Variants in CCDC102B observed in about 807,000 individuals in gnomAD.
The protein encoded by CCDC102B is coiled-coil domain containing 102B.
In CCDC102B, 75 loss-of-function variants were observed where a neutral mutation model predicts 57.4. The observed-to-expected ratio is 1.31, with a 90% CI of 1.08 to 1.58. The LOEUF (loss-of-function observed/expected upper bound fraction) is 1.58, where lower values mean the gene tolerates loss of function less well. Among genes scored for constraint, CCDC102B ranks in the 40% most tolerant of loss-of-function variants. CCDC102B has a pLI of 0.00. For synonymous variants in CCDC102B, 206 were observed against 201.9 expected (o/e 1.02, Z -0.17); for missense variants, 636 against 582.6 (o/e 1.09, Z -0.94).
chr18:68,829,471 G>A (rs1211327456), intron 1 of CCDC102B, among the ~76,000 whole-genome samples: 1 of 151,952 alleles, frequency 6.6e-6, no homozygotes, highest in East Asian at 1.9e-4. Flanking sequence ...CTGACTTTAA[G>A]AATAAATTTT....
chr18:68,866,969 T>A (rs1248900828), intron 4 of CCDC102B: 3 of 409,736 alleles, frequency 7.3e-6, no homozygotes, highest in Non-Finnish European at 1.4e-5. Flanking sequence ...GCTACATCAA[T>A]CTAGAGTGGT....
chr18:68,855,686 G>A (rs888536940), intron 4 of CCDC102B, among the ~76,000 whole-genome samples: 2 of 152,110 alleles, frequency 1.3e-5, no homozygotes, highest in Non-Finnish European at 2.9e-5. Context: ...AGATTTGCCT[G>A]TTCTGGGCAT....
chr18:68,884,342 A>G (rs1207666452), intron 5 of CCDC102B, among the ~76,000 whole-genome samples: 1 of 152,182 alleles, frequency 6.6e-6, no homozygotes, highest in East Asian at 1.9e-4. Flanking sequence ...TCTAATAAAG[A>G]ATGGGATTAT....
chr18:68,762,812 G>C (rs904654904), intron 2 of CCDC102B, among the ~76,000 whole-genome samples: 1 of 152,072 alleles, frequency 6.6e-6, no homozygotes, highest in Non-Finnish European at 1.5e-5. Flanking sequence ...AATTGAAAAG[G>C]CGTTAAATTT....
intron 2 of CCDC102B, among the ~76,000 whole-genome samples, chr18:68,791,237 A>G (rs1169126647): frequency 2.6e-5 from 4 of 152,188 alleles, no homozygotes; most frequent in Non-Finnish European, 5.9e-5. Context: ...TTCTTAATCA[A>G]TGTTGTAAAA....
intron 5 of CCDC102B, among the ~76,000 whole-genome samples, chr18:68,895,163 A>G (rs1231982777): frequency 2.0e-5 from 3 of 151,812 alleles, no homozygotes; most frequent in African/African-American, 7.2e-5. Context: ...ATTGTGATAT[A>G]ATATTTTCAC....
intron 2 of CCDC102B, chr18:68,721,212 G>A (rs2032308254): frequency 6.6e-6 from 1 of 152,170 alleles, no homozygotes; most frequent in African/African-American, 2.4e-5. Flanking sequence ...TATAATACAT[G>A]TGCAAACAAG....
At chr18:68,759,315 T>TCAA (rs2034172822) in intron 2 of CCDC102B, among the ~76,000 whole-genome samples, 1 of 152,118 alleles carries the variant, frequency 6.6e-6, no homozygotes, top group Non-Finnish European at 1.5e-5. Context: ...AAGAAAATTT[T>TCAA]ATAGGAACTT....
rs1401866393 is a variant in CCDC102B at position 69,000,654 on chromosome 18, A to T, written c.1264-10280A>T. On this transcript the variant is annotated intron_variant, in intron 6 of 7. Coordinates refer to ENST00000360242, the MANE Select transcript of CCDC102B (RefSeq NM_024781.3). ...TGTTTGTGATTGTTATAACAGAGTAAGTCCTGTTTTACAGATAAGATGTTA... is the reference window on the plus strand; with the variant it reads ...TGTTTGTGATTGTTATAACAGAGTATGTCCTGTTTTACAGATAAGATGTTA... 2.6e-5 allele frequency among the ~76,000 whole-genome samples: 4 copies of T among 152,124 alleles called. No homozygotes were observed. In the East Asian group the frequency reaches 7.7e-4, roughly 29 times the overall value.
chr18:68,882,553 C>T (rs937005753), intron 5 of CCDC102B, among the ~76,000 whole-genome samples: 3 of 152,170 alleles, frequency 2.0e-5, no homozygotes, highest in Admixed American at 1.3e-4. Flanking sequence ...TTATTGTAAA[C>T]ATGTAACCAA....
intron 6 of CCDC102B, among the ~76,000 whole-genome samples, chr18:68,939,132 C>A (rs1378950444): frequency 6.6e-6 from 1 of 151,676 alleles, no homozygotes; most frequent in Non-Finnish European, 1.5e-5. Flanking sequence ...CTTTTTCCCC[C>A]AAATGACTTG....
At chr18:68,736,130 T>A (rs186427477) in intron 2 of CCDC102B, among the ~76,000 whole-genome samples, 1 of 152,344 alleles carries the variant, frequency 6.6e-6, no homozygotes, top group African/African-American at 2.4e-5. Context: ...AGAGGAATTT[T>A]TAGGATTTTT....
chr18:68,998,878 C>T (rs1221691440), intron 6 of CCDC102B, among the ~76,000 whole-genome samples: 1 of 151,644 alleles, frequency 6.6e-6, no homozygotes, highest in Non-Finnish European at 1.5e-5. Context: ...TCTCCTTTGG[C>T]AACACCCTCA....
chr18:68,804,709 T>C (rs2144692700), intron 1 of CCDC102B, among the ~76,000 whole-genome samples: 1 of 152,266 alleles, frequency 6.6e-6, no homozygotes, highest in African/African-American at 2.4e-5. Context: ...ATTTGCAATG[T>C]AGAAGTCACT....
At chr18:68,852,480 C>T (rs539253461) in intron 4 of CCDC102B, among the ~76,000 whole-genome samples, 214 of 152,270 alleles carry the variant, frequency 1.4e-3, no homozygotes, top group Admixed American at 3.6e-3. Context: ...ATCACATCTA[C>T]ATTACTTATA....
intron 6 of CCDC102B, chr18:68,900,150 A>T (rs1197447446): frequency 6.6e-6 from 1 of 152,162 alleles, no homozygotes. Context: ...GCACTGTTCC[A>T]TGGTCCCGTG....
intron 5 of CCDC102B, among the ~76,000 whole-genome samples, chr18:68,881,409 A>G (rs1181841669): frequency 2.0e-5 from 3 of 152,230 alleles, no homozygotes; most frequent in Non-Finnish European, 4.4e-5. Context: ...TTTATAAGAT[A>G]ATGTGATTGT....
chr18:68,833,941 T>C (rs967797343), intron 1 of CCDC102B, among the ~76,000 whole-genome samples: 1 of 152,182 alleles, frequency 6.6e-6, no homozygotes, highest in Non-Finnish European at 1.5e-5. Context: ...GGCCCTGTCC[T>C]ACAACCACTG....
intron 1 of CCDC102B, among the ~76,000 whole-genome samples, chr18:68,821,081 T>C (rs1465202557): frequency 1.3e-5 from 2 of 152,184 alleles, no homozygotes; most frequent in Non-Finnish European, 2.9e-5. Context: ...GTGGTTCATT[T>C]TCTATATTAT....
Sources: allele counts gnomAD v4.1 joint callset (sites outside exome capture counted in the v4.1 genomes callset), GRCh38; gene constraint gnomAD v4.1.1; transcripts MANE v1.5; gene names NCBI Gene and HGNC (gene_info 2026-07-23, HGNC 2026-07-21).